Variants in TMED8 observed in about 807,000 individuals in gnomAD.
TMED8 encodes the protein protein TMED8.
In TMED8, 15 loss-of-function variants were observed where a neutral mutation model predicts 32.7. The observed-to-expected ratio is 0.46, with a 90% CI of 0.31 to 0.71. The LOEUF is 0.71. Ranked by LOEUF, TMED8 falls within the 30% of genes least tolerant of loss-of-function variation. The pLI, the probability that TMED8 is intolerant of heterozygous loss-of-function variation, is 0.06. For synonymous variants in TMED8, 147 were observed against 161.4 expected (o/e 0.91, Z 0.68); for missense variants, 390 against 423.9 (o/e 0.92, Z 0.70).
At chr14:77,350,600 CTCTTTG>C (rs1341913935) in intron 2 of TMED8, among the ~76,000 whole-genome samples, 1 of 152,112 alleles carries the variant, frequency 6.6e-6, no homozygotes, top group African/African-American at 2.4e-5. Context: ...CTAAAATTGT[CTCTTTG>C]TCTTTGTGCA....
Position 77,340,363 on chromosome 14 carries a change from T to A in TMED8, c.*1408A>T, listed in dbSNP as rs1319700865. ...TTCTGAGAAACAGATGGAAACTGTT[T>A]CAAAGGCAAAATGAAATGTGCTAAA... On this transcript the variant is annotated 3_prime_UTR_variant, in exon 6 of 6. Transcript: ENST00000216468. 1 of 152,176 alleles carries A rather than the reference T, an allele frequency of 6.6e-6. No individual in the cohort carries two copies. Among genetic ancestry groups the A allele is most frequent in the African/African-American group, 2.4e-5 (1 of 41,434 alleles). The allele number at this position is 152,176 out of a possible 1,614,324, so 9.4% of individuals were successfully genotyped here. A position where few individuals can be genotyped will look rare whatever the true frequency, so the allele number is the denominator to read the frequency against.
intron 1 of TMED8, among the ~76,000 whole-genome samples, chr14:77,366,618 C>G (rs1893557571): frequency 6.6e-6 from 1 of 152,186 alleles, no homozygotes; most frequent in Admixed American, 6.5e-5. Context: ...GTCCAGAAAT[C>G]TGAACTTAAT....
intron 2 of TMED8, among the ~76,000 whole-genome samples, chr14:77,348,541 G>C (rs945937386): frequency 6.6e-6 from 1 of 152,114 alleles, no homozygotes; most frequent in Non-Finnish European, 1.5e-5. Context: ...TTCTAATATA[G>C]TAAATATTGA....
At chr14:77,368,285 A>G (rs1028111716) in intron 1 of TMED8, among the ~76,000 whole-genome samples, 1 of 151,758 alleles carries the variant, frequency 6.6e-6, no homozygotes, top group Non-Finnish European at 1.5e-5. Context: ...TCATTTCATT[A>G]CTCTGGACCT....
chr14:77,372,121 C>T (rs8005835), intron 1 of TMED8, among the ~76,000 whole-genome samples: 77,648 of 151,884 alleles, frequency 0.51, 20,198 homozygotes, highest in East Asian at 0.61. Flanking sequence ...AAACAATGAA[C>T]GGAGGAGGAA....
In TMED8 at chr14:77,339,859, G is replaced by C. The variant is rs964686683; in HGVS notation, c.*1912C>G. The C allele has an allele frequency of 2.0e-5, 3 of 152,236 alleles. No individual in the cohort carries two copies. In the East Asian group the frequency reaches 5.8e-4, roughly 29 times the overall value. The allele number at this position is 152,236 out of a possible 1,614,324, so 9.4% of individuals were successfully genotyped here. ...CCCACTTGGGGCTTTGCTCCGAGGG[G>C]AAGAGCAGGTGCAGGATATATTGCC... On this transcript the variant is annotated 3_prime_UTR_variant, in exon 6 of 6. Transcript: ENST00000216468.
intron 1 of TMED8, among the ~76,000 whole-genome samples, chr14:77,353,035 A>G (rs776971800): frequency 1.3e-5 from 2 of 152,238 alleles, no homozygotes; most frequent in Non-Finnish European, 2.9e-5. Context: ...TCTCAAGCTC[A>G]AAAGAAGCCT....
rs3742737 is a variant in TMED8, at chr14:77,377,041, G to T, written c.13C>A (p.Gln5Lys). 0.25 allele frequency: 350,052 copies of T among 1,373,676 alleles called. 47,343 individuals are homozygous for T. The highest frequency in any genetic ancestry group is 0.42 in the African/African-American group (27,293 of 65,304). The allele number at this position is 1,373,676 out of a possible 1,614,324, so 85.1% of individuals were successfully genotyped here. Residue 5 changes from glutamine to lysine, a missense_variant, in exon 1 of 6, where the codon CAG (glutamine) becomes AAG (lysine). Transcript: ENST00000216468. Reference sequence around the variant, plus strand: ...CAGGAGCCCGGCCCCTCAGCCGCCTGCAGGTCAGACATCTGCAGCCCGCGC... The same window carrying T: ...CAGGAGCCCGGCCCCTCAGCCGCCTTCAGGTCAGACATCTGCAGCCCGCGC... MSDL[Q>K]AAEGPGSWSP...
At chr14:77,349,861 GC>G (rs1485784219) in intron 2 of TMED8, among the ~76,000 whole-genome samples, 1 of 152,190 alleles carries the variant, frequency 6.6e-6, no homozygotes, top group Non-Finnish European at 1.5e-5. Context: ...AGTGCCGTGG[GC>G]CTGGATTGAC....
chr14:77,349,043 G>C (rs1893117542), intron 2 of TMED8, among the ~76,000 whole-genome samples: 1 of 151,186 alleles, frequency 6.6e-6, no homozygotes. Context: ...GCAGGCACTG[G>C]GTCTCACTGC....
At chr14:77,343,505 C>T (rs199702790) in intron 4 of TMED8, 22 bp from the exon 5 acceptor site, 1 of 1,609,180 alleles carries the variant, frequency 6.2e-7, no homozygotes, top group Non-Finnish European at 8.5e-7. Context: ...AGCAGCTTAG[C>T]ACTGAGAAAC....
chr14:77,373,364 CAGAT>C (rs1390489142), intron 1 of TMED8, among the ~76,000 whole-genome samples: 1 of 151,672 alleles, frequency 6.6e-6, no homozygotes, highest in Non-Finnish European at 1.5e-5. Flanking sequence ...AAGTATGCCT[CAGAT>C]AGTTTCATAA....
intron 1 of TMED8, among the ~76,000 whole-genome samples, chr14:77,362,824 G>T (rs7141816): frequency 0.025 from 3,789 of 152,276 alleles, 170 homozygotes; most frequent in African/African-American, 0.087. Flanking sequence ...AGAAAGAGCA[G>T]AGGTGGCTGT....
chr14:77,355,944 C>T (rs747441075), intron 1 of TMED8, among the ~76,000 whole-genome samples: 6 of 152,110 alleles, frequency 3.9e-5, no homozygotes, highest in Non-Finnish European at 8.8e-5. Flanking sequence ...GAGAAGCCTT[C>T]ACAGGCCACA....
At position 77,341,694 on chromosome 14, in the gene TMED8, C is replaced by G. The variant is rs984483147; in HGVS notation, c.*77G>C. On this transcript the variant is annotated 3_prime_UTR_variant, in exon 6 of 6. Transcript: ENST00000216468. Reference sequence around the variant, plus strand: ...GCCCCCCATGAACCTTTGGCTCTTGCCTATCCCAAACAAGAGGCACCAGCT... The same window carrying G: ...GCCCCCCATGAACCTTTGGCTCTTGGCTATCCCAAACAAGAGGCACCAGCT... 6.2e-6 allele frequency: 9 copies of G among 1,451,092 alleles called. No individual in the cohort carries two copies. The African/African-American group carries it at 1.3e-4, about 20-fold the overall frequency. 89.9% of individuals were successfully genotyped at this position (1,451,092 alleles called of 1,614,324 possible).
rs1015222752 is a variant in TMED8, at chr14:77,335,097, G to A, written c.*6674C>T. ...AAGAGATGACAAAGAATGCACAAAAGCATCACAAAACTGTTACCTAATATA... is the reference window on the plus strand; with the variant it reads ...AAGAGATGACAAAGAATGCACAAAAACATCACAAAACTGTTACCTAATATA... On this transcript the variant is annotated 3_prime_UTR_variant, in exon 6 of 6. Transcript: ENST00000216468. 3.3e-5 allele frequency: 5 copies of A among 152,188 alleles called. No homozygotes were observed. Among genetic ancestry groups the A allele is most frequent in the Admixed American group, 6.5e-5 (1 of 15,278 alleles). 9.4% of individuals were successfully genotyped at this position (152,188 alleles called of 1,614,324 possible).
chr14:77,352,708 C>T (rs1281640202), intron 1 of TMED8, among the ~76,000 whole-genome samples: 1 of 152,100 alleles, frequency 6.6e-6, no homozygotes, highest in African/African-American at 2.4e-5. Context: ...CACTGCACTC[C>T]AGCCTGGGCG....
rs1892754944 is a variant in TMED8, at chr14:77,336,156, A to AT, written c.*5614_*5615insA. The AT allele has an allele frequency of 6.6e-6, 1 of 152,176 alleles. No individual in the cohort carries two copies. Among genetic ancestry groups the AT allele is most frequent in the African/African-American group, 2.4e-5 (1 of 41,452 alleles). 9.4% of individuals were successfully genotyped at this position (152,176 alleles called of 1,614,324 possible). On this transcript the variant is annotated 3_prime_UTR_variant, in exon 6 of 6. Coordinates refer to ENST00000216468, the MANE Select transcript of TMED8 (RefSeq NM_213601.3). ...CCTATTTCAGGACTTTAGAAAATAT[A>AT]CTTTGTCCTCTGGAAGCAATTTCAC...
rs1252620514 is a variant in TMED8, at chr14:77,376,668, C to T, written c.118+268G>A. 1.9e-5 allele frequency: 5 copies of T among 269,394 alleles called. No homozygotes were observed. Among genetic ancestry groups the T allele is most frequent in the Non-Finnish European group, 2.8e-5 (4 of 144,208 alleles). The allele number at this position is 269,394 out of a possible 1,614,324, so 16.7% of individuals were successfully genotyped here. On this transcript the variant is annotated intron_variant, in intron 1 of 5. Transcript: ENST00000216468. The surrounding 1 kb of genome is among the most constrained non-coding windows in gnomAD (Gnocchi z 4.0). ...AGCTGAAGAGGCGCCAGGGGCAGAG[C>T]CACCCTGTCACTACCATTTGGGCAG...
Sources: gnomAD v4.1 joint callset for allele counts (sites outside exome capture counted in the v4.1 genomes callset) on GRCh38, gnomAD v4.1.1 for gene constraint, Gnocchi (gnomAD v3.1) non-coding constraint, MANE v1.5 for transcripts, NCBI Gene and HGNC (gene_info 2026-07-23, HGNC 2026-07-21) for gene names.